Variants in IQGAP3 observed in about 807,000 individuals in gnomAD.
IQGAP3 encodes IQ motif containing GTPase activating protein 3.
IQGAP3 carries 165 observed loss-of-function variants against 208.2 expected under a neutral mutation model. The ratio of observed to expected loss-of-function variants is 0.79; its 90% CI spans 0.70 to 0.90. IQGAP3 has a LOEUF of 0.90. IQGAP3 is among the 40% of genes least tolerant of loss of function. IQGAP3 has a pLI of 0.00. For missense variants in IQGAP3, 1,811 were observed against 2,043.1 expected (o/e 0.89, Z 2.19); for synonymous variants, 703 against 803.6 (o/e 0.87, Z 2.12).
chr1:156,528,880 C>T, intron 35 of IQGAP3, 36 bp downstream of exon 35: 1 of 1,612,952 alleles, frequency 6.2e-7, no homozygotes, highest in Non-Finnish European at 8.5e-7. Context: ...TGAGAAGTCA[C>T]TCGTAACCTT....
rs756537429 is a variant in IQGAP3 at position 156,535,157 on chromosome 1, A to T, written c.3507+6T>A. ...TGGGAGGTGGGGGTGGGGAGACAAC[A>T]CTTGCCTTATAGACCTCGCTGTCTG... On this transcript the variant is annotated splice_donor_region_variant and intron_variant, in intron 28 of 37. Transcript: ENST00000361170. 4 of 1,609,044 alleles carry T rather than the reference A, an allele frequency of 2.5e-6. No homozygotes were observed. The highest frequency in any genetic ancestry group is 1.7e-5 in the Admixed American group (1 of 59,932).
chr1:156,535,179 T>C lies in IQGAP3; in HGVS notation c.3491A>G (p.Asp1164Gly). Residue 1164 changes from aspartate to glycine, a missense_variant, in exon 28 of 38, where the codon GAC (aspartate) becomes GGC (glycine). Transcript: ENST00000361170. ...TLAEKFPDAT[D>G]SEVYKVVGNL... ...AACACTTGCCTTATAGACCTCGCTG[T>C]CTGTGGCGTCAGGGAATTTCTCTGC... is the stretch of plus-strand genomic sequence containing the variant. 1 of 1,613,546 alleles carries C rather than the reference T, an allele frequency of 6.2e-7. No homozygotes were observed. Among genetic ancestry groups the C allele is most frequent in the Non-Finnish European group, 8.5e-7 (1 of 1,179,630 alleles).
At chr1:156,535,296 C>T (rs1557921550) in intron 27 of IQGAP3, 49 bp from the exon 28 acceptor site, 2 of 1,320,996 alleles carry the variant, frequency 1.5e-6, no homozygotes, top group Non-Finnish European at 1.1e-6. Flanking sequence ...GCCCATCTCT[C>T]TCTGCCAGAG....
At chr1:156,560,708 A>C (rs1242155556) in intron 11 of IQGAP3, among the ~76,000 whole-genome samples, 1 of 152,220 alleles carries the variant, frequency 6.6e-6, no homozygotes, top group Admixed American at 6.5e-5. Flanking sequence ...AGAACAGCCC[A>C]GTGCAGTATT....
intron 15 of IQGAP3, 30 bp from the exon 16 acceptor site, chr1:156,550,381 T>A (rs1778819): frequency 1 from 1,568,601 of 1,572,320 alleles, 782,517 homozygotes; most frequent in East Asian, 1. Flanking sequence ...AAAAAAGATG[T>A]GACCCCAAGC....
intron 3 of IQGAP3, 129 bp downstream of exon 3, chr1:156,566,261 A>G (rs1676394235): frequency 2.4e-6 from 3 of 1,233,244 alleles, no homozygotes; most frequent in Non-Finnish European, 3.5e-6. Flanking sequence ...ACAGAGAAAC[A>G]TAGATTAATA....
At chr1:156,533,153 A>G in intron 31 of IQGAP3, 47 bp from the exon 32 acceptor site, 2 of 1,607,344 alleles carry the variant, frequency 1.2e-6, no homozygotes, top group South Asian at 1.1e-5. Flanking sequence ...ACACACACAC[A>G]TGCGCACACA....
At position 156,560,249 on chromosome 1, in the gene IQGAP3, A is replaced by G. The variant is rs1476283277; in HGVS notation, c.1129+685T>C. Among the ~76,000 whole-genome samples the G allele has an allele frequency of 2.0e-5, 3 of 151,626 alleles. No homozygotes were observed. In the East Asian group the frequency reaches 5.8e-4, roughly 29 times the overall value. ...TTTGTGGCCGGTCACAGTGACTCAT[A>G]CCTGTAATCCCCAGCACTTTGGGAG... On this transcript the variant is annotated intron_variant, in intron 11 of 37. Transcript: ENST00000361170.
At chr1:156,529,731 C>G (rs1674286745) in intron 34 of IQGAP3, among the ~76,000 whole-genome samples, 1 of 151,754 alleles carries the variant, frequency 6.6e-6, no homozygotes, top group African/African-American at 2.4e-5. Context: ...CCAGCCAGGC[C>G]AACATGGCCT....
chr1:156,548,704 T>A lies in IQGAP3; in HGVS notation c.1870A>T (p.Lys624Ter). Residue 624 changes from lysine (K) to a stop codon, truncating the protein, a stop_gained, in exon 17 of 38, where the codon AAG becomes TAG. Transcript: ENST00000361170. LOFTEE classifies it high-confidence loss of function. ...AACACCCGCTCAGTCTGGGCTGCCT[T>A]GCCCTCCTTGATGGCTTGATTGATG... ...AAINQAIKEG[K>*]AAQTERVLRN... The A allele has an allele frequency of 6.2e-7, 1 of 1,603,280 alleles. No homozygotes were observed. The highest frequency in any genetic ancestry group is 8.5e-7 in the Non-Finnish European group (1 of 1,173,758).
At chr1:156,536,372 CAGA>C (rs1674684133) in intron 27 of IQGAP3, among the ~76,000 whole-genome samples, 3 of 151,986 alleles carry the variant, frequency 2.0e-5, no homozygotes, top group African/African-American at 7.3e-5. Context: ...AAGCCAAACA[CAGA>C]AGGACAAATA....
intron 22 of IQGAP3, among the ~76,000 whole-genome samples, chr1:156,541,636 C>T (rs960941409): frequency 2.0e-5 from 3 of 152,080 alleles, no homozygotes; most frequent in Admixed American, 6.5e-5. Context: ...CCTCTCTTAC[C>T]GATAATAACT....
At chr1:156,551,456 A>C (rs574822893) in intron 15 of IQGAP3, among the ~76,000 whole-genome samples, 1 of 152,294 alleles carries the variant, frequency 6.6e-6, no homozygotes, top group East Asian at 1.9e-4. Flanking sequence ...TCAAGGTCAC[A>C]TGGTCACTAA....
At chr1:156,544,658 AT>A (rs1675146989) in intron 19 of IQGAP3, among the ~76,000 whole-genome samples, 186 bp from the exon 20 acceptor site, 1 of 152,206 alleles carries the variant, frequency 6.6e-6, no homozygotes, top group South Asian at 2.1e-4. Flanking sequence ...ATGGCTTCAC[AT>A]AGCCAACAAT....
rs116358160 is a variant in IQGAP3, at chr1:156,539,139, C to T, written c.3057-106G>A. 5.2e-3 allele frequency: 5,218 copies of T among 994,306 alleles called. 167 individuals are homozygous for T. The African/African-American group carries it at 0.075, about 14-fold the overall frequency. The allele number at this position is 994,306 out of a possible 1,614,324, so 61.6% of individuals were successfully genotyped here. On this transcript the variant is annotated intron_variant, in intron 25 of 37. Transcript: ENST00000361170. ...CTCTCAAAGCCTGCCCTGGTGTCCC[C>T]GCTCTTAAGGAATGTCTTGATATCT...
chr1:156,541,055 G>A (rs1156982708), intron 22 of IQGAP3, 139 bp from the exon 23 acceptor site: 13 of 666,904 alleles, frequency 1.9e-5, no homozygotes, highest in South Asian at 1.3e-4. Context: ...TCTTCTAACT[G>A]GTTCTGCTTG....
At chr1:156,541,888 G>C (rs1289895425) in intron 22 of IQGAP3, among the ~76,000 whole-genome samples, 1 of 152,234 alleles carries the variant, frequency 6.6e-6, no homozygotes, top group Non-Finnish European at 1.5e-5. Context: ...AAGAGACACT[G>C]CAAGGAGGAG....
intron 10 of IQGAP3, 76 bp downstream of exon 10, chr1:156,561,762 G>A (rs1412657016): frequency 1.4e-6 from 2 of 1,418,026 alleles, no homozygotes; most frequent in Non-Finnish European, 2.0e-6. Flanking sequence ...ACCAACAGTG[G>A]TGATCTTTGA....
chr1:156,529,376 T>C (rs1420755072), intron 34 of IQGAP3, among the ~76,000 whole-genome samples: 1 of 152,106 alleles, frequency 6.6e-6, no homozygotes, highest in African/African-American at 2.4e-5. Context: ...CATGCTCTTG[T>C]GTGAGATATG....
Sources: gnomAD v4.1 joint callset for allele counts (sites outside exome capture counted in the v4.1 genomes callset) on GRCh38, gnomAD v4.1.1 for gene constraint, MANE v1.5 for transcripts, NCBI Gene and HGNC (gene_info 2026-07-23, HGNC 2026-07-21) for gene names.